The following TMX1 variants were observed in gnomAD, a reference collection of about 807,000 sequenced individuals.
The protein encoded by TMX1 is thioredoxin related transmembrane protein 1, also known as thioredoxin-related transmembrane protein 1.
In TMX1, 25 loss-of-function variants were observed where a neutral mutation model predicts 36.6. The observed-to-expected ratio is 0.68, with a 90% CI of 0.50 to 0.95. The LOEUF (loss-of-function observed/expected upper bound fraction) is 0.95, where lower values mean the gene tolerates loss of function less well. Among genes scored for constraint, TMX1 ranks in the 40% least tolerant of loss-of-function variants. The pLI, the probability that TMX1 is intolerant of heterozygous loss-of-function variation, is 0.00. For missense variants in TMX1, 347 were observed against 339.6 expected, an observed-to-expected ratio of 1.02 and a Z score of -0.17; for synonymous variants, 133 against 118.0, an observed-to-expected ratio of 1.13 and a Z score of -0.82.
chr14:51,249,740 A>G lies in TMX1; in HGVS notation c.639A>G (p.Arg213=), dbSNP rs570154794. ...GCCTTTGTCCTTCAAAAAGGCGCAGACCACAGCCGTACCCATACCCTTCAA... is the reference window on the plus strand; with the variant it reads ...GCCTTTGTCCTTCAAAAAGGCGCAGGCCACAGCCGTACCCATACCCTTCAA... ...ADCLCPSKRR[R]PQPYPYPSKK... is the part of the protein sequence containing the mutation. The change falls in exon 7 of 8, where the codon AGA becomes AGG. Residue 213 remains arginine (R), a synonymous_variant. Transcript: ENST00000457354. The G allele has an allele frequency of 6.2e-7, 1 of 1,613,216 alleles. No homozygotes were observed. The highest frequency in any genetic ancestry group is 8.5e-7 in the Non-Finnish European group (1 of 1,179,386).
At chr14:51,251,536 A>C (rs896690303) in intron 7 of TMX1, among the ~76,000 whole-genome samples, 4 of 152,182 alleles carry the variant, frequency 2.6e-5, no homozygotes, top group Admixed American at 2.6e-4. Context: ...TGCAACTAGC[A>C]TTGGATCCCA....
intron 4 of TMX1, 57 bp downstream of exon 4, chr14:51,247,277 A>AT: frequency 1.9e-6 from 3 of 1,545,754 alleles, no homozygotes; most frequent in Non-Finnish European, 1.7e-6. Context: ...ACAGATAATT[A>AT]TATTTTATGT....
In TMX1 at chr14:51,243,868, G is replaced by T. The variant is rs2065773534; in HGVS notation, c.165G>T (p.Trp55Cys). 6.2e-7 allele frequency: 1 copy of T among 1,609,128 alleles called. No individual in the cohort carries two copies. The highest frequency in any genetic ancestry group is 1.3e-5 in the African/African-American group (1 of 74,744). Reference sequence around the variant, plus strand: ...CTGTATTTCTTAGTTATGCCCCGTGGTGCCCTGCTTGTCAAAATCTTCAAC... The same window carrying T: ...CTGTATTTCTTAGTTATGCCCCGTGTTGCCCTGCTTGTCAAAATCTTCAAC... The part of the protein sequence containing the change: ...GDWMIEFYAP[W>C]CPACQNLQPE... Residue 55 changes from tryptophan (W) to cysteine (C), a missense_variant, in exon 2 of 8, where the codon TGG becomes TGT. Coordinates refer to ENST00000457354, the MANE Select transcript of TMX1 (RefSeq NM_030755.5).
At position 51,244,738 on chromosome 14, in the gene TMX1, T is replaced by A. The variant is rs553614052; in HGVS notation, c.269-575T>A. Reference sequence around the variant, plus strand: ...TCTTCCAAATATCTTGTGTTTATTATTTAATCCTTATACAACCCCGTGAAA... The same window carrying A: ...TCTTCCAAATATCTTGTGTTTATTAATTAATCCTTATACAACCCCGTGAAA... On this transcript the variant is annotated intron_variant, in intron 2 of 7. Coordinates refer to ENST00000457354, the MANE Select transcript of TMX1 (RefSeq NM_030755.5). 2.6e-5 allele frequency among the ~76,000 whole-genome samples: 4 copies of A among 152,356 alleles called. No individual in the cohort carries two copies. In the East Asian group the frequency reaches 7.7e-4, roughly 29 times the overall value.
chr14:51,242,852 T>C (rs1480248362), intron 1 of TMX1, among the ~76,000 whole-genome samples: 1 of 152,184 alleles, frequency 6.6e-6, no homozygotes, highest in Non-Finnish European at 1.5e-5. Context: ...AATAGTCTGC[T>C]CCTAATTACA....
intron 1 of TMX1, among the ~76,000 whole-genome samples, chr14:51,241,193 T>A (rs1056571271): frequency 2.0e-5 from 3 of 152,218 alleles, no homozygotes; most frequent in African/African-American, 7.2e-5. Flanking sequence ...GGTCATCATT[T>A]ATTGCTCGAA....
intron 2 of TMX1, 118 bp from the exon 3 acceptor site, chr14:51,245,195 C>A: frequency 8.3e-7 from 1 of 1,210,560 alleles, no homozygotes. Context: ...CGAAGCTCAA[C>A]TATTAGGTAT....
Position 51,245,313 on chromosome 14 carries a change from G to A in TMX1, c.269G>A (p.Gly90Glu). 1 of 1,613,758 alleles carries A rather than the reference G, an allele frequency of 6.2e-7. No individual in the cohort carries two copies. Among genetic ancestry groups the A allele is most frequent in the Non-Finnish European group, 8.5e-7 (1 of 1,179,940 alleles). The stretch of plus-strand genomic sequence containing the variant: ...CCTGCTGTGTGTTCTTTATTTGTAG[G>A]ACTGAGTGGACGGTTTATCATAACT... ...IAKVDVTEQP[G>E]LSGRFIITAL... is the part of the protein sequence containing the mutation. Residue 90 changes from glycine to glutamate, a missense_variant and splice_region_variant, in exon 3 of 8, where the codon GGA becomes GAA. By Grantham distance (98) the Gly-to-Glu change is moderately conservative (BLOSUM62 -2). Transcript: ENST00000457354.
Position 51,240,266 on chromosome 14 carries a change from C to T in TMX1, c.-27C>T, listed in dbSNP as rs549754466. ...GGCGGAAGTGGGAGCTGCGACCGCG[C>T]TCCCTGTGAGGTGGGCAAGCGGCGA... On this transcript the variant is annotated 5_prime_UTR_variant, in exon 1 of 8. Coordinates refer to ENST00000457354, the MANE Select transcript of TMX1 (RefSeq NM_030755.5). 9.0e-5 allele frequency: 144 copies of T among 1,603,768 alleles called. 4 individuals are homozygous for T. Among genetic ancestry groups the T allele is most frequent in the South Asian group, 8.9e-4 (81 of 90,936 alleles).
chr14:51,245,440 G>A (rs1232714404), intron 3 of TMX1, 82 bp downstream of exon 3: 1 of 1,582,250 alleles, frequency 6.3e-7, no homozygotes. Context: ...CTTGGATCAT[G>A]CTGGAAGAGC....
chr14:51,248,547 A>G (rs2065797193), intron 4 of TMX1, among the ~76,000 whole-genome samples: 1 of 152,230 alleles, frequency 6.6e-6, no homozygotes, highest in Admixed American at 6.5e-5. Flanking sequence ...GCTTTTAAAC[A>G]ACAGAAGCAA....
chr14:51,242,128 CA>C (rs959979800), intron 1 of TMX1, among the ~76,000 whole-genome samples: 1 of 149,676 alleles, frequency 6.7e-6, no homozygotes, highest in African/African-American at 2.5e-5. Context: ...GACTCAATCT[CA>C]AAAAAAAAGT....
chr14:51,250,705 A>T (rs181464904), intron 7 of TMX1, among the ~76,000 whole-genome samples: 37 of 152,216 alleles, frequency 2.4e-4, no homozygotes, highest in South Asian at 8.3e-4. Context: ...GTTAGCCAGG[A>T]TGGTCTCGAT....
rs2065840563 is a variant in TMX1, at chr14:51,256,803, T to C, written c.*2284T>C. 6.6e-6 allele frequency: 1 copy of C among 152,216 alleles called. No individual in the cohort carries two copies. Among genetic ancestry groups the C allele is most frequent in the Non-Finnish European group, 1.5e-5 (1 of 68,038 alleles). The allele number at this position is 152,216 out of a possible 1,614,324, so 9.4% of individuals were successfully genotyped here. On this transcript the variant is annotated 3_prime_UTR_variant, in exon 8 of 8. Transcript: ENST00000457354. The stretch of plus-strand genomic sequence containing the variant: ...ATGACAACTGCAAGACAGGTAAGCA[T>C]TGCACATCTTTCAGGTGAGTCAGCC...
intron 1 of TMX1, among the ~76,000 whole-genome samples, chr14:51,243,438 T>G (rs1393009552): frequency 6.6e-6 from 1 of 152,254 alleles, no homozygotes; most frequent in Non-Finnish European, 1.5e-5. Flanking sequence ...GAATATGTGC[T>G]TTCTTATTCA....
chr14:51,244,479 C>A (rs2065776512), intron 2 of TMX1, among the ~76,000 whole-genome samples: 1 of 152,140 alleles, frequency 6.6e-6, no homozygotes, highest in East Asian at 1.9e-4. Flanking sequence ...AAATTTAGTA[C>A]CTATGATTTG....
chr14:51,245,322 G>A lies in TMX1; in HGVS notation c.278G>A (p.Gly93Glu). 1 of 1,613,872 alleles carries A rather than the reference G, an allele frequency of 6.2e-7. No homozygotes were observed. The highest frequency in any genetic ancestry group is 8.5e-7 in the Non-Finnish European group (1 of 1,179,942). Residue 93 changes from glycine to glutamate, a missense_variant, in exon 3 of 8, where the codon GGA becomes GAA. By Grantham distance (98) the Gly-to-Glu change is moderately conservative. Transcript: ENST00000457354. Reference sequence around the variant, plus strand: ...TGTTCTTTATTTGTAGGACTGAGTGGACGGTTTATCATAACTGCTCTTCCT... The same window carrying A: ...TGTTCTTTATTTGTAGGACTGAGTGAACGGTTTATCATAACTGCTCTTCCT... ...VDVTEQPGLS[G>E]RFIITALPTI...
intron 4 of TMX1, among the ~76,000 whole-genome samples, chr14:51,248,097 G>A (rs2065794981): frequency 6.6e-6 from 1 of 152,240 alleles, no homozygotes; most frequent in South Asian, 2.1e-4. Flanking sequence ...GTGTGCCTAA[G>A]CACTGAGCTT....
rs769583809 is a variant in TMX1 at position 51,249,381 on chromosome 14, A to G, written c.489+10A>G. The G allele has an allele frequency of 4.4e-6, 7 of 1,603,454 alleles. No homozygotes were observed. Among genetic ancestry groups the G allele is most frequent in the East Asian group, 4.5e-5 (2 of 44,764 alleles). Reference sequence around the variant, plus strand: ...ATCTATGTGGATCAGGGTATGGACTAAAATATTTTTATCTTAAACATTTTT... The same window carrying G: ...ATCTATGTGGATCAGGGTATGGACTGAAATATTTTTATCTTAAACATTTTT... On this transcript the variant is annotated intron_variant, in intron 5 of 7. Coordinates refer to ENST00000457354, the MANE Select transcript of TMX1 (RefSeq NM_030755.5).
Sources: allele counts gnomAD v4.1 joint callset (sites outside exome capture counted in the v4.1 genomes callset), GRCh38; gene constraint gnomAD v4.1.1; transcripts MANE v1.5; gene names NCBI Gene and HGNC (gene_info 2026-07-23, HGNC 2026-07-21).